PEBP4: variants seen among roughly 807,000 people sequenced by gnomAD.
The protein encoded by PEBP4 is phosphatidylethanolamine-binding protein 4.
PEBP4 carries 22 observed loss-of-function variants against 23.9 expected under a neutral mutation model. The ratio of observed to expected loss-of-function variants is 0.92; its 90% CI spans 0.66 to 1.31. The LOEUF (loss-of-function observed/expected upper bound fraction) is 1.31, where lower values mean the gene tolerates loss of function less well. Ranked by LOEUF, PEBP4 falls within the 40% of genes most tolerant of loss-of-function variation. The pLI is 0.00. For synonymous variants in PEBP4, 112 were observed against 99.3 expected, an observed-to-expected ratio of 1.13 and a Z score of -0.76; for missense variants, 324 against 281.7, an observed-to-expected ratio of 1.15 and a Z score of -1.07.
intron 3 of PEBP4, among the ~76,000 whole-genome samples, chr8:22,825,537 C>T (rs1282420226): frequency 6.6e-6 from 1 of 152,210 alleles, no homozygotes; most frequent in Non-Finnish European, 1.5e-5. Context: ...CCCATGAATG[C>T]TTATTACACC....
chr8:22,892,941 A>G (rs1808522663), intron 3 of PEBP4, among the ~76,000 whole-genome samples: 1 of 152,222 alleles, frequency 6.6e-6, no homozygotes, highest in Non-Finnish European at 1.5e-5. Flanking sequence ...ATAGAGCTCA[A>G]GTCCAAGGGG....
chr8:22,741,017 C>T (rs564254560), intron 4 of PEBP4, among the ~76,000 whole-genome samples: 1 of 152,152 alleles, frequency 6.6e-6, no homozygotes, highest in South Asian at 2.1e-4. Context: ...CATGCAGGGA[C>T]CTCAGGGACT....
chr8:22,862,476 A>G (rs1275919908), intron 3 of PEBP4, among the ~76,000 whole-genome samples: 1 of 152,182 alleles, frequency 6.6e-6, no homozygotes, highest in Non-Finnish European at 1.5e-5. Flanking sequence ...AAGACTTCAC[A>G]GGATCCGAAA....
At chr8:22,843,557 C>T (rs576859583) in intron 3 of PEBP4, among the ~76,000 whole-genome samples, 7 of 152,282 alleles carry the variant, frequency 4.6e-5, no homozygotes, top group East Asian at 3.9e-4. Flanking sequence ...GTGTACTTGA[C>T]GGTGCTCAAC....
intron 3 of PEBP4, among the ~76,000 whole-genome samples, chr8:22,909,456 C>T (rs576054554): frequency 6.6e-6 from 1 of 152,190 alleles, no homozygotes; most frequent in Admixed American, 6.5e-5. Context: ...TGTACCCCCA[C>T]GTAATTTCCT....
intron 4 of PEBP4, among the ~76,000 whole-genome samples, chr8:22,779,462 G>A (rs939217543): frequency 1.3e-5 from 2 of 151,802 alleles, no homozygotes; most frequent in Admixed American, 6.6e-5. Flanking sequence ...CAGGCAAAGA[G>A]CTCTAAGGGT....
chr8:22,867,061 G>C (rs1190673741), intron 3 of PEBP4, among the ~76,000 whole-genome samples: 2 of 152,178 alleles, frequency 1.3e-5, no homozygotes, highest in African/African-American at 4.8e-5. Flanking sequence ...AGGAGATGAG[G>C]CCTCAAATCA....
chr8:22,745,639 G>A (rs552419866), intron 4 of PEBP4: 4 of 152,346 alleles, frequency 2.6e-5, no homozygotes, highest in African/African-American at 9.6e-5. Flanking sequence ...CTGTGTTGTG[G>A]CCACCACTCT....
intron 3 of PEBP4, among the ~76,000 whole-genome samples, chr8:22,845,802 T>C (rs1332905696): frequency 6.6e-6 from 1 of 152,244 alleles, no homozygotes; most frequent in Admixed American, 6.5e-5. Flanking sequence ...GGTTTAGAAA[T>C]CTGTCCTCTG....
intron 3 of PEBP4, chr8:22,888,021 T>G (rs1041100986): frequency 2.6e-5 from 4 of 152,182 alleles, no homozygotes; most frequent in African/African-American, 9.7e-5. Context: ...TGCTCTCATT[T>G]TAATTGCTGT....
chr8:22,775,037 T>C lies in PEBP4; in HGVS notation c.357+42600A>G, dbSNP rs776684219. Among the ~76,000 whole-genome samples the C allele has an allele frequency of 3.9e-5, 6 of 152,212 alleles. No homozygotes were observed. The highest frequency in any genetic ancestry group is 8.8e-5 in the Non-Finnish European group (6 of 68,046). On this transcript the variant is annotated intron_variant, in intron 4 of 6. Coordinates refer to ENST00000256404, the MANE Select transcript of PEBP4 (RefSeq NM_144962.3). This position sits in a 1 kb window ranked among gnomAD's most constrained non-coding sequence, Gnocchi z 4.8. ...AGGCCAAGGGGCAAAGTGGTATCTGTGGAGCTGAGACCCAGGTTCAGTGCA... is the reference window on the plus strand; with the variant it reads ...AGGCCAAGGGGCAAAGTGGTATCTGCGGAGCTGAGACCCAGGTTCAGTGCA...
At chr8:22,790,094 A>G (rs1422782548) in intron 4 of PEBP4, among the ~76,000 whole-genome samples, 1 of 152,150 alleles carries the variant, frequency 6.6e-6, no homozygotes, top group Non-Finnish European at 1.5e-5. Flanking sequence ...CCTCCCCATC[A>G]ACCCTCTCTA....
intron 3 of PEBP4, among the ~76,000 whole-genome samples, chr8:22,854,195 C>T (rs560344514): frequency 6.6e-6 from 1 of 152,162 alleles, no homozygotes; most frequent in Non-Finnish European, 1.5e-5. Flanking sequence ...TGGCAGCAGC[C>T]TCTAGGTAAG....
At chr8:22,800,160 C>T (rs576624700) in intron 4 of PEBP4, among the ~76,000 whole-genome samples, 4 of 152,152 alleles carry the variant, frequency 2.6e-5, no homozygotes, top group East Asian at 1.9e-4. Flanking sequence ...GGTAAACTTT[C>T]GCTTTCTTCT....
At chr8:22,938,635 G>A (rs754701019) in intron 1 of PEBP4, among the ~76,000 whole-genome samples, 5 of 152,108 alleles carry the variant, frequency 3.3e-5, no homozygotes, top group Non-Finnish European at 5.9e-5. Flanking sequence ...ATTACCCCTC[G>A]GGGATTGGGA....
chr8:22,876,435 G>A (rs1808122697), intron 3 of PEBP4, among the ~76,000 whole-genome samples: 1 of 152,220 alleles, frequency 6.6e-6, no homozygotes, highest in South Asian at 2.1e-4. Context: ...AGAAGAGACA[G>A]TATCCAGCGT....
chr8:22,847,133 C>T (rs1440696818), intron 3 of PEBP4, among the ~76,000 whole-genome samples: 1 of 152,104 alleles, frequency 6.6e-6, no homozygotes, highest in African/African-American at 2.4e-5. Flanking sequence ...TACGTTATTC[C>T]TTGACTATGC....
chr8:22,779,720 G>A (rs1805880148), intron 4 of PEBP4, among the ~76,000 whole-genome samples: 1 of 152,204 alleles, frequency 6.6e-6, no homozygotes, highest in Admixed American at 6.5e-5. Context: ...TGGGAAGGGT[G>A]AGGAAAGTCA....
intron 3 of PEBP4, among the ~76,000 whole-genome samples, chr8:22,882,175 G>C (rs1020296600): frequency 2.0e-5 from 3 of 152,202 alleles, no homozygotes; most frequent in African/African-American, 7.2e-5. Context: ...TTAGAACTGG[G>C]ATCCATCCTA....
Sources: gnomAD v4.1 joint callset for allele counts (sites outside exome capture counted in the v4.1 genomes callset) on GRCh38, gnomAD v4.1.1 for gene constraint, Gnocchi (gnomAD v3.1) non-coding constraint, MANE v1.5 for transcripts, NCBI Gene and HGNC (gene_info 2026-07-23, HGNC 2026-07-21) for gene names.